MTRR: variants seen among roughly 807,000 people sequenced by gnomAD.
MTRR encodes the protein methionine synthase reductase.
A neutral mutation model predicts 79.2 loss-of-function variants in MTRR; 63 were observed. The observed-to-expected ratio is 0.80, with a 90% CI of 0.65 to 0.98. MTRR has a LOEUF of 0.98. Among genes scored for constraint, MTRR ranks in the 50% least tolerant of loss-of-function variants. MTRR has a pLI of 0.00. For missense variants in MTRR, 895 were observed against 839.6 expected, an observed-to-expected ratio of 1.07 and a Z score of -0.82; for synonymous variants, 355 against 313.3, an observed-to-expected ratio of 1.13 and a Z score of -1.41.
At chr5:7,896,605 C>T (rs942828425) in intron 12 of MTRR, 2 of 537,822 alleles carry the variant, frequency 3.7e-6, no homozygotes, top group South Asian at 2.1e-5. Flanking sequence ...CTAGATCTCA[C>T]AGTGTGATAC....
chr5:7,864,604 GA>G (rs113971468), upstream of MTRR, among the ~76,000 whole-genome samples: 8,789 of 152,180 alleles, frequency 0.058, 399 homozygotes, highest in East Asian at 0.21. Flanking sequence ...CAATTCAAAA[GA>G]AATGTAAATG....
chr5:7,861,276 AAAG>A, intron 1 of MTRR: 1 of 1,403,600 alleles, frequency 7.1e-7, no homozygotes, highest in Non-Finnish European at 9.7e-7. Context: ...GAAAAATAAA[AAAG>A]GAGAAAAATA....
chr5:7,869,996 C>A (rs1747635285), intron 1 of MTRR: 4 of 984,814 alleles, frequency 4.1e-6, no homozygotes, highest in Non-Finnish European at 1.2e-6. Flanking sequence ...CAGTTTAAAT[C>A]TGTCTCTGCA....
intron 4 of MTRR, among the ~76,000 whole-genome samples, chr5:7,875,718 C>T (rs569566243): frequency 1.3e-5 from 2 of 152,304 alleles, no homozygotes; most frequent in South Asian, 2.1e-4. Context: ...CTGCCATGCA[C>T]GTGGAGCCTT....
chr5:7,882,463 TCATCCCAG>T (rs1735743054), intron 5 of MTRR, among the ~76,000 whole-genome samples: 1 of 152,182 alleles, frequency 6.6e-6, no homozygotes, highest in South Asian at 2.1e-4. Context: ...GAACTGACCT[TCATCCCAG>T]CTTTCCCATA....
chr5:7,865,832 G>T, upstream of MTRR: 1 of 1,229,146 alleles, frequency 8.1e-7, no homozygotes, highest in Non-Finnish European at 1.2e-6. Context: ...CAGATCAGAA[G>T]TAAAGGAACT....
rs766468593 is a variant in MTRR, at chr5:7,892,745, A to G, written c.1389A>G (p.Pro463=). 3.1e-6 allele frequency: 5 copies of G among 1,614,230 alleles called. No individual in the cohort carries two copies. The highest frequency in any genetic ancestry group is 3.4e-6 in the Non-Finnish European group (4 of 1,180,038). ...YSCASSSLFH[P]GKLHFVFNIV... is the part of the protein sequence containing the mutation. ...TTTGCAGCTCAAGTTTATTTCACCCAGGAAAGCTCCATTTTGTCTTCAACA... is the reference window on the plus strand; with the variant it reads ...TTTGCAGCTCAAGTTTATTTCACCCGGGAAAGCTCCATTTTGTCTTCAACA... The change falls in exon 11 of 15, where the codon CCA becomes CCG. Residue 463 remains proline (P), a synonymous_variant. Coordinates refer to ENST00000440940, the MANE Select transcript of MTRR (RefSeq NM_002454.3).
intron 11 of MTRR, among the ~76,000 whole-genome samples, chr5:7,895,147 TACTC>T (rs1275282785): frequency 1.3e-5 from 2 of 152,356 alleles, no homozygotes; most frequent in Non-Finnish European, 1.5e-5. Flanking sequence ...AAGTGAAACA[TACTC>T]AGATTGATTC....
At chr5:7,886,231 A>G (rs1179763154) in intron 7 of MTRR, among the ~76,000 whole-genome samples, 1 of 152,028 alleles carries the variant, frequency 6.6e-6, no homozygotes, top group Non-Finnish European at 1.5e-5. Context: ...CTTTTTCCAT[A>G]ATTAAGAGAA....
At chr5:7,867,807 T>C (rs200439700), upstream of MTRR, 41 of 1,614,100 alleles carry the variant, frequency 2.5e-5, no homozygotes, top group East Asian at 8.9e-4. Context: ...TTTTTAACAT[T>C]TTGTTCAAGC....
chr5:7,860,822 C>T (rs1002567430), intron 1 of MTRR, among the ~76,000 whole-genome samples: 1 of 152,170 alleles, frequency 6.6e-6, no homozygotes, highest in Non-Finnish European at 1.5e-5. Flanking sequence ...AAAAACAGAA[C>T]TTAAGCTCAA....
intron 4 of MTRR, among the ~76,000 whole-genome samples, chr5:7,877,669 T>C (rs1033106049): frequency 6.6e-6 from 1 of 152,200 alleles, no homozygotes; most frequent in Non-Finnish European, 1.5e-5. Flanking sequence ...AGGAATTCTA[T>C]TCCTGTCATC....
chr5:7,861,662 G>A, intron 1 of MTRR: 1 of 1,606,504 alleles, frequency 6.2e-7, no homozygotes, highest in Admixed American at 1.7e-5. Context: ...TCTGGTGAGA[G>A]AAGAAAGGAA....
chr5:7,851,212 C>A (rs943994475), exon 1 of MTRR: 1 of 541,984 alleles, frequency 1.8e-6, no homozygotes, highest in Non-Finnish European at 2.8e-6. Context: ...GGTGGAGCGA[C>A]CCTCCCCTCC....
rs765530344 is a variant in MTRR at position 7,878,067 on chromosome 5, G to A, written c.525G>A (p.Ser175=). The A allele has an allele frequency of 7.4e-6, 12 of 1,613,780 alleles. No individual in the cohort carries two copies. Among genetic ancestry groups the A allele is most frequent in the Middle Eastern group, 1.6e-4 (1 of 6,084 alleles). ...TCCCGGTGGCATCACCTGCATCCTC[G>A]AGGACAGACCTTGTGAAGTCAGAGC... ...GALPVASPAS[S]RTDLVKSELL... is the part of the protein sequence containing the mutation. Residue 175 remains serine, a synonymous_variant, in exon 5 of 15, where the codon TCG becomes TCA. Coordinates refer to ENST00000440940, the MANE Select transcript of MTRR (RefSeq NM_002454.3).
intron 11 of MTRR, chr5:7,893,673 A>T (rs578144176): frequency 6.6e-6 from 1 of 152,148 alleles, no homozygotes; most frequent in East Asian, 1.9e-4. Flanking sequence ...CTTTCTTCAT[A>T]GTAATGAAGA....
chr5:7,891,768 C>T (rs1276663936), intron 10 of MTRR, among the ~76,000 whole-genome samples: 3 of 152,108 alleles, frequency 2.0e-5, no homozygotes, highest in Non-Finnish European at 2.9e-5. Context: ...TGAGTCCGGG[C>T]GTGGTGACTC....
chr5:7,892,898 A>G lies in MTRR; in HGVS notation c.1542A>G (p.Lys514=), dbSNP rs1737862073. ...NIHASHEDSG[K]ALAPKISISP... ...ATGCATCCCATGAAGACAGCGGGAAAGCCCTGGCTCCTAAGGTAAGAAATT... is the reference window on the plus strand; with the variant it reads ...ATGCATCCCATGAAGACAGCGGGAAGGCCCTGGCTCCTAAGGTAAGAAATT... Residue 514 remains lysine, a synonymous_variant, in exon 11 of 15, where the codon AAA becomes AAG. Transcript: ENST00000440940. 1 of 1,614,076 alleles carries G rather than the reference A, an allele frequency of 6.2e-7. No individual in the cohort carries two copies. The highest frequency in any genetic ancestry group is 8.5e-7 in the Non-Finnish European group (1 of 1,180,024).
chr5:7,868,133 T>C (rs374356086), upstream of MTRR: 439 of 1,259,018 alleles, frequency 3.5e-4, no homozygotes, highest in Non-Finnish European at 4.3e-4. Flanking sequence ...TAAAAACACA[T>C]GGTTAAATAC....
Sources: allele counts gnomAD v4.1 joint callset (sites outside exome capture counted in the v4.1 genomes callset), GRCh38; gene constraint gnomAD v4.1.1; transcripts MANE v1.5; gene names NCBI Gene and HGNC (gene_info 2026-07-23, HGNC 2026-07-21).